The following ROBO2 variants were observed in gnomAD, a reference collection of about 807,000 sequenced individuals.
ROBO2 encodes roundabout guidance receptor 2.
Under a neutral mutation model 160.8 loss-of-function variants are expected in ROBO2, and 53 were observed. That is an observed-to-expected ratio of 0.33 (90% CI 0.26 to 0.41). The LOEUF (loss-of-function observed/expected upper bound fraction) is 0.41. ROBO2 is among the 10% of genes least tolerant of loss of function. ROBO2 has a pLI of 1.00. For missense variants in ROBO2, 1,577 were observed against 1,722.4 expected (o/e 0.92, Z 1.49); for synonymous variants, 664 against 611.7 (o/e 1.09, Z -1.26).
intron 2 of ROBO2, among the ~76,000 whole-genome samples, chr3:76,808,229 C>T (rs1043728343): frequency 3.3e-5 from 5 of 152,128 alleles, no homozygotes; most frequent in African/African-American, 1.2e-4. Context: ...CAACGATGCA[C>T]TGCAAATAAC....
chr3:77,637,049 C>T (rs915143059), intron 24 of ROBO2, among the ~76,000 whole-genome samples: 8 of 152,250 alleles, frequency 5.3e-5, no homozygotes, highest in African/African-American at 1.7e-4. Context: ...TAACATAGTT[C>T]AATTAAACAC....
chr3:76,586,181 T>G (rs923670559), intron 2 of ROBO2, among the ~76,000 whole-genome samples: 5 of 152,200 alleles, frequency 3.3e-5, no homozygotes, highest in Non-Finnish European at 5.9e-5. Flanking sequence ...ATTAACCCTC[T>G]TCTGCAAAAG....
intron 2 of ROBO2, among the ~76,000 whole-genome samples, chr3:77,387,808 T>C (rs563814015): frequency 1.3e-5 from 2 of 152,280 alleles, no homozygotes; most frequent in Admixed American, 1.3e-4. Flanking sequence ...AAATACATAA[T>C]TGACTATTGC....
intron 2 of ROBO2, among the ~76,000 whole-genome samples, chr3:77,130,341 A>C (rs2075740077): frequency 1.3e-5 from 2 of 152,208 alleles, no homozygotes; most frequent in African/African-American, 4.8e-5. Context: ...TTTACGACAC[A>C]TTTTGAACTC....
intron 2 of ROBO2, among the ~76,000 whole-genome samples, chr3:76,209,813 A>G (rs566427713): frequency 6.6e-6 from 1 of 152,302 alleles, no homozygotes; most frequent in South Asian, 2.1e-4. Context: ...GACCCTGGAA[A>G]TGGTAGCTTG....
At chr3:76,873,623 G>T (rs989951825) in intron 2 of ROBO2, among the ~76,000 whole-genome samples, 3 of 151,858 alleles carry the variant, frequency 2.0e-5, no homozygotes, top group Non-Finnish European at 4.4e-5. Context: ...TGAAATGAGG[G>T]TCTTACTATG....
chr3:76,231,385 G>T (rs1302643433), intron 2 of ROBO2, among the ~76,000 whole-genome samples: 3 of 151,970 alleles, frequency 2.0e-5, no homozygotes, highest in Admixed American at 2.0e-4. Flanking sequence ...TCCTTCTCAG[G>T]CTCATTCTCT....
chr3:77,563,400 T>G, intron 11 of ROBO2, 71 bp downstream of exon 12: 1 of 1,406,372 alleles, frequency 7.1e-7, no homozygotes, highest in Non-Finnish European at 1.0e-6. Context: ...TCACCTGAAC[T>G]ATCCTGCTGT....
Position 77,546,359 on chromosome 3 carries a change from G to A in ROBO2, c.956G>A (p.Arg319Gln), listed in dbSNP as rs760139372. The A allele has an allele frequency of 1.8e-5, 29 of 1,612,780 alleles. No individual in the cohort carries two copies. In the Admixed American group the frequency reaches 2.2e-4, roughly 12 times the overall value. ...ATAGCTCCCCCACAGTTTGTGGTTC[G>A]GCCAAGAGATCAGATTGTTGCTCAA... is the stretch of plus-strand genomic sequence containing the variant. The change falls in exon 7 of 26, where the codon CGG becomes CAG. Residue 319 changes from arginine to glutamine, a missense_variant. Physicochemically the swap from Arg to Gln is conservative, Grantham distance 43. Coordinates refer to ENST00000461745, the Ensembl canonical transcript of ROBO2.
At chr3:76,879,276 C>T (rs994021775) in intron 2 of ROBO2, among the ~76,000 whole-genome samples, 1 of 152,118 alleles carries the variant, frequency 6.6e-6, no homozygotes, top group African/African-American at 2.4e-5. Flanking sequence ...CAGTTCTCAA[C>T]TTTAATGTGC....
chr3:77,568,157 T>A (rs2093540681), intron 12 of ROBO2, among the ~76,000 whole-genome samples, 156 bp from the exon 14 acceptor site: 1 of 151,998 alleles, frequency 6.6e-6, no homozygotes, highest in South Asian at 2.1e-4. Context: ...AGTGGTATAT[T>A]TATATATATA....
intron 1 of ROBO2, among the ~76,000 whole-genome samples, chr3:75,929,569 ACTT>A (rs1321709842): frequency 1.3e-5 from 2 of 152,014 alleles, no homozygotes; most frequent in African/African-American, 2.4e-5. Flanking sequence ...TCCCATTACA[ACTT>A]CTAGACTGTT....
chr3:76,184,062 C>G (rs571144918), intron 2 of ROBO2, among the ~76,000 whole-genome samples: 2 of 152,260 alleles, frequency 1.3e-5, no homozygotes, highest in African/African-American at 4.8e-5. Context: ...GTCCCCATAT[C>G]TGTCCACGAT....
intron 2 of ROBO2, among the ~76,000 whole-genome samples, chr3:77,145,398 A>G (rs1185114690): frequency 6.6e-6 from 1 of 152,214 alleles, no homozygotes; most frequent in Non-Finnish European, 1.5e-5. Flanking sequence ...GATTTCTTGT[A>G]GCTAACGTTC....
At chr3:76,019,025 G>A (rs762024450) in intron 2 of ROBO2, among the ~76,000 whole-genome samples, 1 of 150,812 alleles carries the variant, frequency 6.6e-6, no homozygotes, top group Non-Finnish European at 1.5e-5. Context: ...GTGTATCTGA[G>A]AATACTGTGT....
At chr3:76,063,585 A>G (rs1444988658) in intron 2 of ROBO2, among the ~76,000 whole-genome samples, 1 of 151,692 alleles carries the variant, frequency 6.6e-6, no homozygotes, top group Non-Finnish European at 1.5e-5. Context: ...GCCTCAAGCT[A>G]TCCTCCCATT....
rs574473053 is a variant in ROBO2 at position 76,161,406 on chromosome 3, A to C, written c.109+223804A>C. On this transcript the variant is annotated intron_variant, in intron 2 of 26. Transcript: ENST00000487694. ...AACATTTATATATGGATTTAAGAAA[A>C]ATCCTAAAACACATCATTGGTAAAA... Among the ~76,000 whole-genome samples the C allele has an allele frequency of 5.9e-5, 9 of 152,248 alleles. No individual in the cohort carries two copies. The South Asian group carries it at 1.9e-3, about 32-fold the overall frequency.
Position 77,217,408 on chromosome 3 carries a change from G to A in ROBO2, c.388+119068G>A, listed in dbSNP as rs59614881. ...TCTACCTGCCTCGGCCTCCCAAAGT[G>A]CTGGGATTACAGGCATGGGCCACCA... On this transcript the variant is annotated intron_variant, in intron 2 of 25. Transcript: ENST00000461745. 4.1e-3 allele frequency among the ~76,000 whole-genome samples: 631 copies of A among 152,240 alleles called. 3 individuals carry two copies. The highest frequency in any genetic ancestry group is 0.014 in the African/African-American group (588 of 41,552).
intron 2 of ROBO2, among the ~76,000 whole-genome samples, chr3:75,955,678 A>G (rs1003476225): frequency 6.6e-6 from 1 of 151,712 alleles, no homozygotes; most frequent in African/African-American, 2.4e-5. Context: ...TGTGCACTCA[A>G]AGTGTGCTCT....
Sources: gnomAD v4.1 joint callset for allele counts (sites outside exome capture counted in the v4.1 genomes callset) on GRCh38, gnomAD v4.1.1 for gene constraint, MANE v1.5 for transcripts, NCBI Gene and HGNC (gene_info 2026-07-23, HGNC 2026-07-21) for gene names.